The following DNAJC10 variants were observed in gnomAD, a reference collection of about 807,000 sequenced individuals.
The protein encoded by DNAJC10 is endoplasmic reticulum disulfide reductase DNAJC10.
DNAJC10 carries 101 observed loss-of-function variants against 115.0 expected under a neutral mutation model. That is an observed-to-expected ratio of 0.88 (90% CI 0.75 to 1.04). The LOEUF (loss-of-function observed/expected upper bound fraction) is 1.04. DNAJC10 is among the 50% of genes least tolerant of loss of function. DNAJC10 has a pLI of 0.00. For synonymous variants in DNAJC10, 307 were observed against 301.5 expected (o/e 1.02, Z -0.19); for missense variants, 981 against 928.8 (o/e 1.06, Z -0.73).
At chr2:182,763,569 A>C (rs1694338928) in intron 22 of DNAJC10, among the ~76,000 whole-genome samples, 1 of 152,118 alleles carries the variant, frequency 6.6e-6, no homozygotes, top group African/African-American at 2.4e-5. Context: ...CTGCATTCTC[A>C]GGAGGCTGTT....
At chr2:182,770,570 T>G (rs1694534137) in intron 22 of DNAJC10, among the ~76,000 whole-genome samples, 1 of 152,196 alleles carries the variant, frequency 6.6e-6, no homozygotes, top group African/African-American at 2.4e-5. Context: ...TTATTCTCTT[T>G]GTAGCAATTG....
intron 7 of DNAJC10, among the ~76,000 whole-genome samples, chr2:182,729,606 C>T (rs1011558623): frequency 6.8e-6 from 1 of 147,060 alleles, no homozygotes; most frequent in South Asian, 2.2e-4. Context: ...GCTCTGATAT[C>T]TTTTTTCTTA....
At chr2:182,766,332 C>T (rs541653765) in intron 22 of DNAJC10, among the ~76,000 whole-genome samples, 2 of 152,114 alleles carry the variant, frequency 1.3e-5, no homozygotes, top group South Asian at 2.1e-4. Context: ...AGAATGAGAG[C>T]GAATATGTAT....
intron 13 of DNAJC10, 21 bp downstream of exon 13, chr2:182,741,377 C>G (rs1449474031): frequency 7.9e-7 from 1 of 1,261,622 alleles, no homozygotes; most frequent in Non-Finnish European, 1.1e-6. Context: ...TGTATTCTGC[C>G]TAGCCTTCTG....
chr2:182,751,470 A>T (rs1383503349), intron 14 of DNAJC10, among the ~76,000 whole-genome samples, 188 bp from the exon 15 acceptor site: 2 of 152,126 alleles, frequency 1.3e-5, no homozygotes, highest in East Asian at 3.9e-4. Flanking sequence ...GAAACAGAAG[A>T]GTGTGCAAGA....
At chr2:182,726,330 G>A (rs769763883) in intron 5 of DNAJC10, among the ~76,000 whole-genome samples, 1 of 152,002 alleles carries the variant, frequency 6.6e-6, no homozygotes, top group Non-Finnish European at 1.5e-5. Flanking sequence ...GGGGCGGTGA[G>A]GAGTTGTTCC....
chr2:182,793,482 ACATT>A lies in DNAJC10; in HGVS notation c.*16353_*16356del, dbSNP rs1695088766. ...ATCAGGCAGCACTGAGAACCAGAAG[ACATT>A]CAGAGAGCTCTGCTTTGCGAGGTAT... is the stretch of plus-strand genomic sequence containing the variant. On this transcript the variant is annotated 3_prime_UTR_variant, in exon 24 of 24. Transcript: ENST00000264065. 1 of 152,184 alleles carries A rather than the reference ACATT, an allele frequency of 6.6e-6. No homozygotes were observed. Among genetic ancestry groups the A allele is most frequent in the Admixed American group, 6.6e-5 (1 of 15,266 alleles). 9.4% of individuals were successfully genotyped at this position (152,184 alleles called of 1,614,324 possible). A position where few individuals can be genotyped will look rare whatever the true frequency, so the allele number is the denominator to read the frequency against.
chr2:182,723,724 C>T (rs2105611083), intron 5 of DNAJC10, among the ~76,000 whole-genome samples: 1 of 152,268 alleles, frequency 6.6e-6, no homozygotes, highest in East Asian at 1.9e-4. Flanking sequence ...GCTTACTAAT[C>T]CATGAGTCTA....
At chr2:182,759,346 C>A in intron 21 of DNAJC10, 39 bp downstream of exon 21, 2 of 1,561,934 alleles carry the variant, frequency 1.3e-6, no homozygotes, top group Non-Finnish European at 1.7e-6. Flanking sequence ...TAGCCACATT[C>A]ATGTTTTAGT....
chr2:182,776,234 C>T (rs781466653), intron 23 of DNAJC10, among the ~76,000 whole-genome samples: 1 of 151,998 alleles, frequency 6.6e-6, no homozygotes. Context: ...ACTGGAGCCT[C>T]ATAACACGTT....
intron 22 of DNAJC10, among the ~76,000 whole-genome samples, chr2:182,769,876 C>A (rs187679428): frequency 8.3e-4 from 126 of 151,926 alleles, no homozygotes; most frequent in African/African-American, 5.5e-4. Flanking sequence ...TTGGTGTTTT[C>A]GTCATGAAGT....
At chr2:182,774,887 A>G (rs1374386536) in intron 22 of DNAJC10, among the ~76,000 whole-genome samples, 5 of 152,224 alleles carry the variant, frequency 3.3e-5, no homozygotes, top group South Asian at 4.1e-4. Context: ...ACCAGTCCCA[A>G]TGAGAAGAAC....
intron 22 of DNAJC10, among the ~76,000 whole-genome samples, chr2:182,770,650 T>C (rs1694536784): frequency 6.6e-6 from 1 of 152,230 alleles, no homozygotes; most frequent in Admixed American, 6.5e-5. Context: ...TTTTTGCACA[T>C]TGATTTTGTA....
At chr2:182,723,017 T>C (rs1693191980) in intron 5 of DNAJC10, among the ~76,000 whole-genome samples, 1 of 151,408 alleles carries the variant, frequency 6.6e-6, no homozygotes, top group Non-Finnish European at 1.5e-5. Flanking sequence ...ATACAGTTTG[T>C]TCCTTCTAAG....
Position 182,781,425 on chromosome 2 carries a change from C to T in DNAJC10, c.*4293C>T, listed in dbSNP as rs950575986. 13 of 152,082 alleles carry T rather than the reference C, an allele frequency of 8.5e-5. No homozygotes were observed. The highest frequency in any genetic ancestry group is 2.9e-4 in the African/African-American group (12 of 41,388). 9.4% of individuals were successfully genotyped at this position (152,082 alleles called of 1,614,324 possible). A position where few individuals can be genotyped will look rare whatever the true frequency, so the allele number is the denominator to read the frequency against. On this transcript the variant is annotated 3_prime_UTR_variant, in exon 24 of 24. Transcript: ENST00000264065. ...TGTGAATAGTGCTCCAATAAACATA[C>T]GTGTGCATGTGTCTTTATAGTAAAA... is the stretch of plus-strand genomic sequence containing the variant.
At chr2:182,743,218 G>A (rs1363179232) in intron 13 of DNAJC10, among the ~76,000 whole-genome samples, 1 of 152,032 alleles carries the variant, frequency 6.6e-6, no homozygotes, top group African/African-American at 2.4e-5. Flanking sequence ...TGGCTGTTGT[G>A]CTTACGCTCT....
At position 182,718,212 on chromosome 2, in the gene DNAJC10, G is replaced by C; in HGVS notation, c.126G>C (p.Val42=). Residue 42 remains valine, a synonymous_variant, in exon 3 of 24, where the codon GTG becomes GTC. Coordinates refer to ENST00000264065, the MANE Select transcript of DNAJC10 (RefSeq NM_018981.4). ...TDQDFYSLLG[V]SKTASSREIR... is the part of the protein sequence containing the mutation. The stretch of plus-strand genomic sequence containing the variant: ...AGGATTTTTACAGTTTACTTGGAGT[G>C]TCCAAAACTGCAAGCAGTAGAGAAA... The C allele has an allele frequency of 6.2e-7, 1 of 1,613,426 alleles. No individual in the cohort carries two copies. Among genetic ancestry groups the C allele is most frequent in the Non-Finnish European group, 8.5e-7 (1 of 1,179,770 alleles).
At chr2:182,738,375 A>G (rs1693639020) in intron 11 of DNAJC10, among the ~76,000 whole-genome samples, 1 of 152,162 alleles carries the variant, frequency 6.6e-6, no homozygotes, top group Non-Finnish European at 1.5e-5. Context: ...CTGTCCAACA[A>G]TAGAGCCTCT....
At chr2:182,736,638 T>TACCTTACATTTAAAACC (rs1453537042) in intron 11 of DNAJC10, among the ~76,000 whole-genome samples, 5 of 152,378 alleles carry the variant, frequency 3.3e-5, no homozygotes, top group Admixed American at 2.6e-4. Flanking sequence ...CATTTAAAAT[T>TACCTTACATTTAAAACC]ACCTTACATT....
Sources: allele counts gnomAD v4.1 joint callset (sites outside exome capture counted in the v4.1 genomes callset), GRCh38; gene constraint gnomAD v4.1.1; transcripts MANE v1.5; gene names NCBI Gene and HGNC (gene_info 2026-07-23, HGNC 2026-07-21).